Variants in CAMK2D observed in about 807,000 individuals in gnomAD.
The protein encoded by CAMK2D is calcium/calmodulin-dependent protein kinase type II subunit delta.
CAMK2D carries 37 observed loss-of-function variants against 84.0 expected under a neutral mutation model. The observed-to-expected ratio is 0.44, with a 90% CI of 0.34 to 0.58. The LOEUF is 0.58. CAMK2D is among the 20% of genes least tolerant of loss of function. The probability of loss-of-function intolerance (pLI) is 0.02; values close to 1 mark genes in which losing one functional copy is unlikely to be tolerated. For missense variants in CAMK2D, 448 were observed against 652.5 expected (o/e 0.69, Z 3.41); for synonymous variants, 202 against 212.5 (o/e 0.95, Z 0.43).
intron 2 of CAMK2D, among the ~76,000 whole-genome samples, chr4:113,705,978 C>A (rs991282685): frequency 6.6e-6 from 1 of 152,044 alleles, no homozygotes; most frequent in African/African-American, 2.4e-5. Context: ...GACAGAGACA[C>A]GGGCGGTGTG....
At chr4:113,700,157 A>G (rs554686937) in intron 2 of CAMK2D, among the ~76,000 whole-genome samples, 35 of 152,276 alleles carry the variant, frequency 2.3e-4, no homozygotes, top group Non-Finnish European at 4.6e-4. Context: ...AAAGGAACCA[A>G]AGAAAACCTG....
intron 4 of CAMK2D, among the ~76,000 whole-genome samples, chr4:113,556,696 C>G (rs1591184451): frequency 6.6e-6 from 1 of 152,202 alleles, no homozygotes; most frequent in South Asian, 2.1e-4. Context: ...CAGGGGCTCC[C>G]CAAAGACCCC....
chr4:113,512,261 AAAG>A (rs1281317779), intron 12 of CAMK2D, among the ~76,000 whole-genome samples: 1 of 152,326 alleles, frequency 6.6e-6, no homozygotes, highest in African/African-American at 2.4e-5. Context: ...ACAATCTATC[AAAG>A]AAGGAGGTTG....
chr4:113,582,537 T>C (rs909182152), intron 4 of CAMK2D, among the ~76,000 whole-genome samples: 1 of 151,604 alleles, frequency 6.6e-6, no homozygotes, highest in Non-Finnish European at 1.5e-5. Flanking sequence ...ACCTTAAGTA[T>C]CCCTCCTTTT....
At chr4:113,540,564 CA>C (rs892341707) in intron 6 of CAMK2D, among the ~76,000 whole-genome samples, 4 of 152,160 alleles carry the variant, frequency 2.6e-5, no homozygotes, top group Non-Finnish European at 5.9e-5. Context: ...GGGCAACTCA[CA>C]AATGCCTGGA....
At chr4:113,629,606 G>A (rs2099081351) in intron 3 of CAMK2D, among the ~76,000 whole-genome samples, 1 of 151,776 alleles carries the variant, frequency 6.6e-6, no homozygotes, top group South Asian at 2.1e-4. Context: ...GTCGTTAAAG[G>A]GTCATAATGC....
chr4:113,642,943 C>T (rs2099138183), intron 3 of CAMK2D, among the ~76,000 whole-genome samples: 1 of 151,692 alleles, frequency 6.6e-6, no homozygotes, highest in South Asian at 2.1e-4. Flanking sequence ...AGAGACCATG[C>T]TAAACTATAT....
At chr4:113,489,408 G>A (rs896335535) in intron 16 of CAMK2D, among the ~76,000 whole-genome samples, 5 of 150,208 alleles carry the variant, frequency 3.3e-5, no homozygotes, top group Admixed American at 6.6e-5. Context: ...TTTTGTTCTT[G>A]CGATAGTTTA....
intron 13 of CAMK2D, chr4:113,508,342 G>T: frequency 9.2e-7 from 1 of 1,091,156 alleles, no homozygotes; most frequent in Non-Finnish European, 1.4e-6. Flanking sequence ...TCAAAGCATG[G>T]AGTATAGAAT....
chr4:113,470,374 G>C (rs955925246), intron 16 of CAMK2D, among the ~76,000 whole-genome samples: 1 of 152,098 alleles, frequency 6.6e-6, no homozygotes, highest in Non-Finnish European at 1.5e-5. Context: ...GGCCAGGCGC[G>C]GTGGCTCATG....
chr4:113,630,655 A>C (rs1022956968), intron 3 of CAMK2D, among the ~76,000 whole-genome samples: 1 of 152,202 alleles, frequency 6.6e-6, no homozygotes, highest in Admixed American at 6.5e-5. Context: ...CATATCAAAA[A>C]TTAAATATAC....
chr4:113,564,259 G>C (rs10470999), intron 4 of CAMK2D, among the ~76,000 whole-genome samples: 8,120 of 152,012 alleles, frequency 0.053, 610 homozygotes, highest in African/African-American at 0.17. Flanking sequence ...CCTCCATAAC[G>C]TGGCACACTC....
chr4:113,628,984 C>A (rs1247359571), intron 3 of CAMK2D, among the ~76,000 whole-genome samples: 1 of 151,794 alleles, frequency 6.6e-6, no homozygotes, highest in Admixed American at 6.6e-5. Context: ...AACATTTCCA[C>A]CAACGTAAAT....
At chr4:113,699,872 A>C (rs949375341) in intron 2 of CAMK2D, among the ~76,000 whole-genome samples, 1 of 152,206 alleles carries the variant, frequency 6.6e-6, no homozygotes, top group Non-Finnish European at 1.5e-5. Flanking sequence ...TTAGAAAACT[A>C]CTAGGTACTT....
intron 18 of CAMK2D, among the ~76,000 whole-genome samples, chr4:113,459,095 T>C (rs1432832161): frequency 6.6e-6 from 1 of 152,214 alleles, no homozygotes; most frequent in Non-Finnish European, 1.5e-5. Flanking sequence ...ATTTATCTGA[T>C]TACTCACCTT....
intron 6 of CAMK2D, among the ~76,000 whole-genome samples, chr4:113,538,281 C>T (rs909185142): frequency 1.3e-5 from 2 of 152,118 alleles, no homozygotes; most frequent in Admixed American, 6.6e-5. Flanking sequence ...TGTTTCCCAA[C>T]CAATGCATCA....
intron 5 of CAMK2D, among the ~76,000 whole-genome samples, chr4:113,549,046 AT>A (rs2098604602): frequency 6.6e-6 from 1 of 152,210 alleles, no homozygotes; most frequent in African/African-American, 2.4e-5. Context: ...AGAAAAATTT[AT>A]AAAGAATTCC....
chr4:113,622,639 C>G (rs1010805785), intron 3 of CAMK2D, among the ~76,000 whole-genome samples: 3 of 152,126 alleles, frequency 2.0e-5, no homozygotes, highest in Non-Finnish European at 4.4e-5. Context: ...TGTTGCATGC[C>G]TTTGGTTTCA....
At position 113,716,649 on chromosome 4, in the gene CAMK2D, CAAAAAAAAA is replaced by C. The variant is rs397750449; in HGVS notation, c.160+42662_160+42670del. Among the ~76,000 whole-genome samples, 16 of 76,154 alleles carry C rather than the reference CAAAAAAAAA, an allele frequency of 2.1e-4. No individual in the cohort carries two copies. The East Asian group carries it at 2.5e-3, about 12-fold the overall frequency. 50.0% of individuals were successfully genotyped at this position (76,154 alleles called of 152,430 possible). On this transcript the variant is annotated intron_variant, in intron 2 of 20. Transcript: ENST00000511664. ...CTGGGTGACAGAGCAAGACTCCATCCAAAAAAAAAAAAAAAAAAAAAGACATACACACAA... is the reference window on the plus strand; with the variant it reads ...CTGGGTGACAGAGCAAGACTCCATCCAAAAAAAAAAAAGACATACACACAA...
Sources: gnomAD v4.1 joint callset for allele counts (sites outside exome capture counted in the v4.1 genomes callset) on GRCh38, gnomAD v4.1.1 for gene constraint, MANE v1.5 for transcripts, NCBI Gene and HGNC (gene_info 2026-07-23, HGNC 2026-07-21) for gene names.